PCDHGB2: variants seen among roughly 807,000 people sequenced by gnomAD.
The protein encoded by PCDHGB2 is protocadherin gamma-B2.
PCDHGB2 carries 55 observed loss-of-function variants against 59.3 expected under a neutral mutation model. The ratio of observed to expected loss-of-function variants is 0.93; its 90% CI spans 0.75 to 1.16. The LOEUF (loss-of-function observed/expected upper bound fraction) is 1.16, where lower values mean the gene tolerates loss of function less well. PCDHGB2 is among the 50% of genes most tolerant of loss of function. The probability of loss-of-function intolerance (pLI) is 0.00; values close to 1 mark genes in which losing one functional copy is unlikely to be tolerated. For missense variants in PCDHGB2, 1,228 were observed against 1,198.5 expected, an observed-to-expected ratio of 1.02 and a Z score of -0.36; for synonymous variants, 516 against 512.0, an observed-to-expected ratio of 1.01 and a Z score of -0.11.
chr5:141,495,918 T>C (rs2099764622), intron 2 of PCDHGB2, among the ~76,000 whole-genome samples: 1 of 152,184 alleles, frequency 6.6e-6, no homozygotes, highest in African/African-American at 2.4e-5. Flanking sequence ...ATATCTTTCT[T>C]TGTCTCTGTC....
chr5:141,490,869 A>G lies in PCDHGB2; in HGVS notation c.2422-3938A>G, dbSNP rs764138126. ...GGGTTCGAGACTCCGGCTCTCCCCCATTGCATGCCAACACATCTCTGCATG... is the reference window on the plus strand; with the variant it reads ...GGGTTCGAGACTCCGGCTCTCCCCCGTTGCATGCCAACACATCTCTGCATG... On this transcript the variant is annotated intron_variant, in intron 1 of 3. Transcript: ENST00000522605. This position sits in a 1 kb window ranked among gnomAD's most constrained non-coding sequence, Gnocchi z 5.4. 4.3e-6 allele frequency: 7 copies of G among 1,613,784 alleles called. No homozygotes were observed. The highest frequency in any genetic ancestry group is 1.7e-5 in the Admixed American group (1 of 60,004).
rs774582698 is a variant in PCDHGB2, at chr5:141,360,234, C to G, written c.99C>G (p.Ile33Met). 1.9e-6 allele frequency: 3 copies of G among 1,613,870 alleles called. No individual in the cohort carries two copies. In the South Asian group the frequency reaches 3.3e-5, roughly 18 times the overall value. The change falls in exon 1 of 4, where the codon ATC becomes ATG. Residue 33 changes from isoleucine (I) to methionine (M), a missense_variant. Ile to Met is a conservative substitution (Grantham distance 10). Around this residue, in one of 3 missense-constraint regions of PCDHGB2, gnomAD observed 781 missense variants for 721.6 expected, o/e 1.08. Coordinates refer to ENST00000522605, the MANE Select transcript of PCDHGB2 (RefSeq NM_018923.3). ...TCCCCGGGGCTCTCCCAGTCCAGAT[C>G]CGCTATTCAATTCCAGAGGAGCTGG... ...SLFPGALPVQ[I>M]RYSIPEELAK...
chr5:141,372,098 G>A lies in PCDHGB2; in HGVS notation c.2421+9542G>A. ...CGCTGGTGCTGTACCCAGCTCTGGG[G>A]CCCGAAGGCTCTGCGCTCTTCGATA... On this transcript the variant is annotated intron_variant, in intron 1 of 3. Transcript: ENST00000522605. The A allele has an allele frequency of 2.5e-6, 4 of 1,613,794 alleles. No individual in the cohort carries two copies. In the South Asian group the frequency reaches 4.4e-5, roughly 18 times the overall value.
chr5:141,409,644 TG>T, intron 1 of PCDHGB2: 1 of 1,613,700 alleles, frequency 6.2e-7, no homozygotes, highest in Non-Finnish European at 8.5e-7. Flanking sequence ...GACCCGGATT[TG>T]GGGCTCAATG....
chr5:141,437,938 A>G (rs1042890704), intron 1 of PCDHGB2, among the ~76,000 whole-genome samples: 4 of 152,132 alleles, frequency 2.6e-5, no homozygotes, highest in African/African-American at 9.7e-5. Flanking sequence ...GGGTTTCACC[A>G]TATTGGCCAG....
chr5:141,427,671 A>T (rs1441504057), intron 1 of PCDHGB2: 1 of 798,486 alleles, frequency 1.3e-6, no homozygotes, highest in East Asian at 2.6e-5. Flanking sequence ...GGCCGAAAAC[A>T]ACCTTCCCGG....
chr5:141,471,926 G>A (rs2099266798), intron 1 of PCDHGB2, among the ~76,000 whole-genome samples: 2 of 152,110 alleles, frequency 1.3e-5, no homozygotes. Flanking sequence ...AATTTTGGGG[G>A]TGATGAGAGT....
chr5:141,476,661 T>G lies in PCDHGB2; in HGVS notation c.2422-18146T>G. 1.2e-6 allele frequency: 2 copies of G among 1,614,076 alleles called. No individual in the cohort carries two copies. The highest frequency in any genetic ancestry group is 1.7e-6 in the Non-Finnish European group (2 of 1,179,938). On this transcript the variant is annotated intron_variant, in intron 1 of 3. Coordinates refer to ENST00000522605, the MANE Select transcript of PCDHGB2 (RefSeq NM_018923.3). The surrounding 1 kb of genome is among the most constrained non-coding windows in gnomAD (Gnocchi z 7.6). Reference sequence around the variant, plus strand: ...CTGAGCCGAAATGAATACTTTGCGCTTCGCGTGCAGACGCGGGAGGACAGC... The same window carrying G: ...CTGAGCCGAAATGAATACTTTGCGCGTCGCGTGCAGACGCGGGAGGACAGC...
chr5:141,479,941 T>C (rs983830280), intron 1 of PCDHGB2, among the ~76,000 whole-genome samples: 2 of 152,194 alleles, frequency 1.3e-5, no homozygotes, highest in Admixed American at 6.5e-5. Context: ...TGCTATCAAC[T>C]CTTGGATTTG....
chr5:141,393,744 G>A lies in PCDHGB2; in HGVS notation c.2421+31188G>A, dbSNP rs770821376. The A allele has an allele frequency of 2.0e-5, 32 of 1,613,750 alleles. No individual in the cohort carries two copies. The highest frequency in any genetic ancestry group is 2.7e-5 in the Non-Finnish European group (32 of 1,179,884). On this transcript the variant is annotated intron_variant, in intron 1 of 3. Coordinates refer to ENST00000522605, the MANE Select transcript of PCDHGB2 (RefSeq NM_018923.3). ...AATAGCAAAAAGTCTAGATTATGAAGAATGTTCATTTTATGAAATGGAAAT... is the reference window on the plus strand; with the variant it reads ...AATAGCAAAAAGTCTAGATTATGAAAAATGTTCATTTTATGAAATGGAAAT...
intron 1 of PCDHGB2, among the ~76,000 whole-genome samples, chr5:141,454,796 ATTTTTTTTT>A (rs61612330): frequency 1.2e-4 from 9 of 77,408 alleles, no homozygotes; most frequent in Admixed American, 5.4e-4. Context: ...CATGGTTCTA[ATTTTTTTTT>A]TTTTTTTTTT....
chr5:141,511,359 T>C lies in PCDHGB2; in HGVS notation c.*186T>C. The stretch of plus-strand genomic sequence containing the variant: ...CACCTACCCCTTCCCCCCCAGGGGG[T>C]TGAATATGCAAAAGCAGTTCCGCTG... On this transcript the variant is annotated 3_prime_UTR_variant, in exon 4 of 4. Coordinates refer to ENST00000522605, the MANE Select transcript of PCDHGB2 (RefSeq NM_018923.3). The C allele has an allele frequency of 2.2e-6, 3 of 1,339,338 alleles. No homozygotes were observed. In the South Asian group the frequency reaches 4.6e-5, roughly 20 times the overall value. The allele number at this position is 1,339,338 out of a possible 1,614,324, so 83.0% of individuals were successfully genotyped here. A position where few individuals can be genotyped will look rare whatever the true frequency, so the allele number is the denominator to read the frequency against.
chr5:141,484,959 C>A, intron 1 of PCDHGB2: 2 of 575,576 alleles, frequency 3.5e-6, no homozygotes, highest in Non-Finnish European at 6.2e-6. Flanking sequence ...ATTGGCTGAG[C>A]CCGGGAGCCG....
rs930862898 is a variant in PCDHGB2 at position 141,480,073 on chromosome 5, C to A, written c.2422-14734C>A. ...GGAATAATAAGTGTTTTATAAGATT[C>A]ATGCATGATATAATGTATGCAAAGT... On this transcript the variant is annotated intron_variant, in intron 1 of 3. Coordinates refer to ENST00000522605, the MANE Select transcript of PCDHGB2 (RefSeq NM_018923.3). Among the ~76,000 whole-genome samples, 5 of 152,174 alleles carry A rather than the reference C, an allele frequency of 3.3e-5. No homozygotes were observed. In the South Asian group the frequency reaches 8.3e-4, roughly 25 times the overall value.
intron 1 of PCDHGB2, chr5:141,364,483 C>T: frequency 1.9e-6 from 3 of 1,614,024 alleles, no homozygotes; most frequent in Non-Finnish European, 2.5e-6. Context: ...TAGCCAAGGA[C>T]CTTGGGCTGG....
In PCDHGB2 at chr5:141,361,092, C is replaced by A; in HGVS notation, c.957C>A (p.Ile319=). The change falls in exon 1 of 4, where the codon ATC becomes ATA. Residue 319 remains isoleucine (I), a synonymous_variant. Transcript: ENST00000522605. ...FEIASSYTLS[I]EAKDPGDLAA... ...TTGCAAGTAGTTACACTCTGAGTAT[C>A]GAAGCAAAAGATCCTGGAGATCTAG... 1.2e-6 allele frequency: 2 copies of A among 1,613,938 alleles called. No individual in the cohort carries two copies. Among genetic ancestry groups the A allele is most frequent in the Non-Finnish European group, 1.7e-6 (2 of 1,179,866 alleles).
intron 1 of PCDHGB2, chr5:141,394,906 C>T (rs2150590922): frequency 6.2e-7 from 1 of 1,613,754 alleles, no homozygotes; most frequent in Admixed American, 1.7e-5. Flanking sequence ...GTGGCAGTGG[C>T]TGCCATCTCC....
intron 1 of PCDHGB2, chr5:141,413,590 G>A (rs759901330): frequency 1.2e-6 from 2 of 1,613,886 alleles, no homozygotes; most frequent in Non-Finnish European, 1.7e-6. Flanking sequence ...AAAATTCCAA[G>A]CAGAAAATCT....
rs894786663 is a variant in PCDHGB2 at position 141,371,734 on chromosome 5, A to G, written c.2421+9178A>G. The G allele has an allele frequency of 1.2e-6, 2 of 1,614,042 alleles. No individual in the cohort carries two copies. Among genetic ancestry groups the G allele is most frequent in the Non-Finnish European group, 1.7e-6 (2 of 1,179,892 alleles). ...ACTCTGCACATCCTTGATGTCAACG[A>G]CAACGTTCCCGTTTTCCACCAGGCC... On this transcript the variant is annotated intron_variant, in intron 1 of 3. Coordinates refer to ENST00000522605, the MANE Select transcript of PCDHGB2 (RefSeq NM_018923.3).
Sources: gnomAD v4.1 joint callset for allele counts (sites outside exome capture counted in the v4.1 genomes callset) on GRCh38, gnomAD v4.1.1 for gene constraint, gnomAD v4.1.1 regional missense constraint, Gnocchi (gnomAD v3.1) non-coding constraint, MANE v1.5 for transcripts, NCBI Gene and HGNC (gene_info 2026-07-23, HGNC 2026-07-21) for gene names.